SLC25A17: variants seen among roughly 807,000 people sequenced by gnomAD.
SLC25A17 encodes the protein solute carrier family 25 member 17.
SLC25A17 carries 26 observed loss-of-function variants against 38.5 expected under a neutral mutation model. That is an observed-to-expected ratio of 0.68 (90% confidence interval 0.50 to 0.94). The LOEUF is 0.94. Among genes scored for constraint, SLC25A17 ranks in the 40% least tolerant of loss-of-function variants. The pLI is 0.00. For missense variants in SLC25A17, 333 were observed against 372.7 expected (o/e 0.89, Z 0.88); for synonymous variants, 139 against 136.2 (o/e 1.02, Z -0.14).
intron 4 of SLC25A17, among the ~76,000 whole-genome samples, chr22:40,783,964 CAA>C (rs2057315605): frequency 6.6e-6 from 1 of 152,170 alleles, no homozygotes; most frequent in South Asian, 2.1e-4. Context: ...CTCGGCCTCT[CAA>C]AGTGTTGGGA....
At chr22:40,815,055 G>A (rs973353162) in intron 1 of SLC25A17, among the ~76,000 whole-genome samples, 6 of 151,902 alleles carry the variant, frequency 3.9e-5, no homozygotes, top group Non-Finnish European at 7.4e-5. Flanking sequence ...TCCTGACCTC[G>A]TGATCTGCCC....
At chr22:40,794,810 G>A (rs2057414377) in intron 2 of SLC25A17, among the ~76,000 whole-genome samples, 1 of 151,962 alleles carries the variant, frequency 6.6e-6, no homozygotes, top group Non-Finnish European at 1.5e-5. Flanking sequence ...GTAGAGGCGG[G>A]GTTTCGCAAT....
chr22:40,778,959 C>T (rs775976172), intron 5 of SLC25A17, 50 bp downstream of exon 5: 4 of 1,477,156 alleles, frequency 2.7e-6, no homozygotes, highest in South Asian at 1.1e-5. Context: ...ATTCCAGATA[C>T]AAAGAAGGAA....
intron 1 of SLC25A17, among the ~76,000 whole-genome samples, chr22:40,807,611 T>A (rs1189933174): frequency 1.3e-5 from 2 of 152,010 alleles, no homozygotes; most frequent in African/African-American, 4.8e-5. Flanking sequence ...TAGCTGGGTG[T>A]GGCAGCGTAC....
intron 8 of SLC25A17, among the ~76,000 whole-genome samples, chr22:40,773,014 T>G (rs2057200963): frequency 6.6e-6 from 1 of 152,120 alleles, no homozygotes; most frequent in Non-Finnish European, 1.5e-5. Flanking sequence ...TATAAGAGCT[T>G]TTGCTTCAAA....
At chr22:40,804,327 C>T (rs922497941) in intron 1 of SLC25A17, among the ~76,000 whole-genome samples, 1 of 152,128 alleles carries the variant, frequency 6.6e-6, no homozygotes, top group African/African-American at 2.4e-5. Context: ...CCTAGATGTG[C>T]AAGGTCACTC....
intron 5 of SLC25A17, 45 bp downstream of exon 5, chr22:40,778,964 A>AAGGAAG: frequency 6.7e-7 from 1 of 1,502,882 alleles, no homozygotes; most frequent in African/African-American, 1.4e-5. Flanking sequence ...AGATACAAAG[A>AAGGAAG]AGGAAGAAAA....
At chr22:40,814,327 C>A (rs1236118194) in intron 1 of SLC25A17, among the ~76,000 whole-genome samples, 1 of 152,224 alleles carries the variant, frequency 6.6e-6, no homozygotes, top group African/African-American at 2.4e-5. Context: ...ACAAGACCAA[C>A]ACACTGCCAT....
intron 1 of SLC25A17, among the ~76,000 whole-genome samples, chr22:40,816,764 C>T (rs951798102): frequency 2.2e-4 from 33 of 152,114 alleles, no homozygotes; most frequent in Non-Finnish European, 1.5e-5. Flanking sequence ...GCGCCCACCA[C>T]CATGCCTGGC....
intron 5 of SLC25A17, among the ~76,000 whole-genome samples, chr22:40,778,587 C>CT (rs1409780002): frequency 1.3e-5 from 2 of 152,122 alleles, no homozygotes; most frequent in East Asian, 1.9e-4. Context: ...TTTAATTATA[C>CT]TTTAAGTTCT....
Position 40,777,027 on chromosome 22 carries a change from C to T in SLC25A17, c.693+13G>A. ...GCTGTTTGACTAAATGCGAAGAGAACTCCAGCACTCACCCTCAGAATTGAC... is the reference window on the plus strand; with the variant it reads ...GCTGTTTGACTAAATGCGAAGAGAATTCCAGCACTCACCCTCAGAATTGAC... On this transcript the variant is annotated intron_variant, in intron 7 of 8. Transcript: ENST00000435456. 6.2e-7 allele frequency: 1 copy of T among 1,611,206 alleles called. No individual in the cohort carries two copies. Among genetic ancestry groups the T allele is most frequent in the South Asian group, 1.1e-5 (1 of 91,000 alleles).
At chr22:40,785,712 T>C (rs1055587875) in intron 4 of SLC25A17, among the ~76,000 whole-genome samples, 1 of 152,162 alleles carries the variant, frequency 6.6e-6, no homozygotes, top group Non-Finnish European at 1.5e-5. Flanking sequence ...TCATTCACTT[T>C]TTAAAATTTT....
intron 4 of SLC25A17, among the ~76,000 whole-genome samples, chr22:40,791,252 T>C (rs1467094924): frequency 6.6e-6 from 1 of 152,178 alleles, no homozygotes; most frequent in Non-Finnish European, 1.5e-5. Flanking sequence ...TGATGACTCC[T>C]AGACTTCTAT....
intron 1 of SLC25A17, among the ~76,000 whole-genome samples, chr22:40,818,132 T>C (rs2057660567): frequency 6.6e-6 from 1 of 152,192 alleles, no homozygotes; most frequent in Non-Finnish European, 1.5e-5. Flanking sequence ...GAGCTCTCAG[T>C]GAAGTTTCTG....
chr22:40,808,891 C>G (rs1368117962), intron 1 of SLC25A17, among the ~76,000 whole-genome samples: 1 of 152,122 alleles, frequency 6.6e-6, no homozygotes, highest in Non-Finnish European at 1.5e-5. Context: ...TATTCTCTCA[C>G]AGTGTGTAGC....
chr22:40,814,882 C>A (rs945322378), intron 1 of SLC25A17, among the ~76,000 whole-genome samples: 2 of 151,412 alleles, frequency 1.3e-5, no homozygotes, highest in African/African-American at 4.9e-5. Flanking sequence ...TGCAGTGGCG[C>A]AATCTTGGCT....
Position 40,777,118 on chromosome 22 carries a change from C to G in SLC25A17, c.615G>C (p.Val205=). Residue 205 remains valine (V), a synonymous_variant, in exon 7 of 9, where the codon GTG becomes GTC. Coordinates refer to ENST00000435456, the MANE Select transcript of SLC25A17 (RefSeq NM_006358.4). ...CTTTGGCTACTGCACCAATGATGAA[C>G]ACATCCAAGGAAGAAAGCTGGAAAG... The part of the protein sequence containing the change: ...KKRMKLSSLD[V]FIIGAVAKAI... 6.2e-7 allele frequency: 1 copy of G among 1,614,150 alleles called. No homozygotes were observed. Among genetic ancestry groups the G allele is most frequent in the Non-Finnish European group, 8.5e-7 (1 of 1,180,030 alleles).
At chr22:40,818,639 G>A (rs1050586568) in intron 1 of SLC25A17, among the ~76,000 whole-genome samples, 1 of 150,258 alleles carries the variant, frequency 6.7e-6, no homozygotes, top group Non-Finnish European at 1.5e-5. Flanking sequence ...CCGGGAGATC[G>A]AGGCTGCAGT....
At chr22:40,813,448 G>T (rs1227391205) in intron 1 of SLC25A17, among the ~76,000 whole-genome samples, 1 of 152,126 alleles carries the variant, frequency 6.6e-6, no homozygotes, top group Non-Finnish European at 1.5e-5. Flanking sequence ...TGTGGCAGGA[G>T]AATCACTTGA....
Sources: gnomAD v4.1 joint callset for allele counts (sites outside exome capture counted in the v4.1 genomes callset) on GRCh38, gnomAD v4.1.1 for gene constraint, MANE v1.5 for transcripts, NCBI Gene and HGNC (gene_info 2026-07-23, HGNC 2026-07-21) for gene names.